Variants in SPHKAP observed in about 807,000 individuals in gnomAD.
SPHKAP encodes the protein A-kinase anchor protein SPHKAP.
Under a neutral mutation model 137.5 loss-of-function variants are expected in SPHKAP, and 67 were observed. The observed-to-expected ratio is 0.49, with a 90% CI of 0.40 to 0.60. The LOEUF (loss-of-function observed/expected upper bound fraction) is 0.60. Among genes scored for constraint, SPHKAP ranks in the 20% least tolerant of loss-of-function variants. SPHKAP has a pLI of 0.00. For missense variants in SPHKAP, 2,097 were observed against 2,069.3 expected, an observed-to-expected ratio of 1.01 and a Z score of -0.26; for synonymous variants, 813 against 785.3, an observed-to-expected ratio of 1.04 and a Z score of -0.59.
chr2:228,060,103 C>T (rs1365973683), intron 3 of SPHKAP, among the ~76,000 whole-genome samples: 3 of 152,134 alleles, frequency 2.0e-5, no homozygotes, highest in Non-Finnish European at 4.4e-5. Context: ...ACCACTACAT[C>T]ACCATGGCTT....
At position 228,105,453 on chromosome 2, in the gene SPHKAP, G is replaced by A. The variant is rs900996572; in HGVS notation, c.246+3379C>T. On this transcript the variant is annotated intron_variant, in intron 3 of 11. Transcript: ENST00000392056. Reference sequence around the variant, plus strand: ...ATGAGGTTTAAAAAATGCCATGAAGGTTAGTATATATTTTTTCAGAATAGC... The same window carrying A: ...ATGAGGTTTAAAAAATGCCATGAAGATTAGTATATATTTTTTCAGAATAGC... Among the ~76,000 whole-genome samples, 7 of 151,956 alleles carry A rather than the reference G, an allele frequency of 4.6e-5. No homozygotes were observed. The East Asian group carries it at 1.2e-3, about 25-fold the overall frequency.
At chr2:228,028,954 G>A (rs2106233563) in intron 3 of SPHKAP, among the ~76,000 whole-genome samples, 1 of 144,398 alleles carries the variant, frequency 6.9e-6, no homozygotes, top group South Asian at 2.3e-4. Context: ...AAGATAAAAA[G>A]ACTTTTGTTG....
intron 7 of SPHKAP, among the ~76,000 whole-genome samples, chr2:228,006,758 A>G (rs950718008): frequency 1.6e-4 from 24 of 152,152 alleles, no homozygotes; most frequent in Non-Finnish European, 7.3e-5. Context: ...TCCTTTTAAC[A>G]GTCAGGACCC....
chr2:228,002,449 T>C (rs1479376224), intron 7 of SPHKAP, among the ~76,000 whole-genome samples: 1 of 152,236 alleles, frequency 6.6e-6, no homozygotes, highest in African/African-American at 2.4e-5. Flanking sequence ...TTGTGTTCTT[T>C]GTAGATTCTG....
chr2:228,142,317 T>C (rs1699630568), intron 1 of SPHKAP, among the ~76,000 whole-genome samples: 2 of 151,716 alleles, frequency 1.3e-5, no homozygotes, highest in Non-Finnish European at 2.9e-5. Flanking sequence ...TCTCTGAAAT[T>C]AAGAAAACAT....
intron 3 of SPHKAP, among the ~76,000 whole-genome samples, chr2:228,034,156 G>T (rs1283959949): frequency 6.6e-6 from 1 of 151,750 alleles, no homozygotes; most frequent in Non-Finnish European, 1.5e-5. Flanking sequence ...GAAGAAAAGA[G>T]AGAAGAATCA....
chr2:228,123,101 C>A (rs1016283579), intron 2 of SPHKAP, among the ~76,000 whole-genome samples: 1 of 152,202 alleles, frequency 6.6e-6, no homozygotes, highest in African/African-American at 2.4e-5. Context: ...CTATCCCTAT[C>A]CCCATCCAGT....
At chr2:228,171,499 G>A (rs904527359) in intron 1 of SPHKAP, among the ~76,000 whole-genome samples, 1 of 152,122 alleles carries the variant, frequency 6.6e-6, no homozygotes, top group African/African-American at 2.4e-5. Flanking sequence ...CTCTTCTTAG[G>A]AAGAAATAGT....
intron 3 of SPHKAP, among the ~76,000 whole-genome samples, chr2:228,049,159 C>T (rs1696168375): frequency 6.6e-6 from 1 of 152,060 alleles, no homozygotes. Context: ...GGTTTAAACA[C>T]ATACAGCTTA....
chr2:228,017,410 C>T lies in SPHKAP; in HGVS notation c.3444G>A (p.Leu1148=). 1.5e-5 allele frequency: 25 copies of T among 1,614,086 alleles called. No individual in the cohort carries two copies. Among genetic ancestry groups the T allele is most frequent in the Non-Finnish European group, 2.1e-5 (25 of 1,180,010 alleles). The change falls in exon 7 of 12, where the codon CTG becomes CTA. Residue 1148 remains leucine, a synonymous_variant. Transcript: ENST00000392056. ...ENEGRGFELL[L]DYYAGKNASS... ...TGGCGTTCTTGCCAGCATAGTAATC[C>T]AGCAGTAACTCAAATCCTCTCCCTT...
intron 3 of SPHKAP, among the ~76,000 whole-genome samples, chr2:228,088,089 C>A (rs1235652441): frequency 6.6e-6 from 1 of 152,046 alleles, no homozygotes; most frequent in Non-Finnish European, 1.5e-5. Context: ...CTGAGTTGTA[C>A]TGCAGTGAAG....
chr2:228,156,151 T>C (rs1236912947), intron 1 of SPHKAP, among the ~76,000 whole-genome samples: 1 of 152,222 alleles, frequency 6.6e-6, no homozygotes, highest in Non-Finnish European at 1.5e-5. Context: ...AGTGTTTACA[T>C]GATAATTGCC....
At chr2:228,157,825 C>T (rs987936766) in intron 1 of SPHKAP, among the ~76,000 whole-genome samples, 1 of 151,496 alleles carries the variant, frequency 6.6e-6, no homozygotes, top group Non-Finnish European at 1.5e-5. Context: ...GTTTAGGTGG[C>T]CACAGAGGTG....
chr2:228,132,425 A>G (rs12472403), intron 1 of SPHKAP: 47,648 of 421,898 alleles, frequency 0.11, 3,026 homozygotes, highest in Non-Finnish European at 0.13. Flanking sequence ...CTCAATTGCC[A>G]CATTAATTCA....
intron 11 of SPHKAP, among the ~76,000 whole-genome samples, chr2:227,989,709 G>A (rs928349555): frequency 1.2e-4 from 18 of 151,648 alleles, no homozygotes; most frequent in African/African-American, 3.9e-4. Context: ...GGGTTCAAGC[G>A]ATTCTCCTGT....
intron 5 of SPHKAP, 36 bp from the exon 6 acceptor site, chr2:228,022,002 A>G: frequency 5.2e-6 from 8 of 1,537,640 alleles, no homozygotes; most frequent in Non-Finnish European, 7.0e-6. Flanking sequence ...TTTATTCAAA[A>G]GGGAAAATAA....
Position 228,111,218 on chromosome 2 carries a change from TCTAA to T in SPHKAP, c.139-2283_139-2280del, listed in dbSNP as rs376008824. Among the ~76,000 whole-genome samples, 90 of 152,268 alleles carry T rather than the reference TCTAA, an allele frequency of 5.9e-4. 1 individual carries two copies. In the East Asian group the frequency reaches 0.014, roughly 23 times the overall value. ...AGTTTAAGAGCATCAACATTACTGG[TCTAA>T]CTGAGTTGAAATCCTAACTTGGTCA... On this transcript the variant is annotated intron_variant, in intron 2 of 11. Transcript: ENST00000392056.
chr2:228,101,563 G>A (rs1234955774), intron 3 of SPHKAP, among the ~76,000 whole-genome samples: 1 of 152,164 alleles, frequency 6.6e-6, no homozygotes, highest in African/African-American at 2.4e-5. Flanking sequence ...TGCTCACTGT[G>A]TGTAGGCACT....
chr2:228,025,042 T>C (rs189200188), intron 5 of SPHKAP, among the ~76,000 whole-genome samples: 3 of 152,304 alleles, frequency 2.0e-5, no homozygotes, highest in East Asian at 3.9e-4. Flanking sequence ...GATTCTGAAA[T>C]AGAATTTTCA....
Sources: gnomAD v4.1 joint callset for allele counts (sites outside exome capture counted in the v4.1 genomes callset) on GRCh38, gnomAD v4.1.1 for gene constraint, MANE v1.5 for transcripts, NCBI Gene and HGNC (gene_info 2026-07-23, HGNC 2026-07-21) for gene names.